SLC25A28: variants seen among roughly 807,000 people sequenced by gnomAD.
SLC25A28 encodes the protein solute carrier family 25 member 28.
A neutral mutation model predicts 31.9 loss-of-function variants in SLC25A28; 10 were observed. The ratio of observed to expected loss-of-function variants is 0.31; its 90% CI spans 0.19 to 0.53. The LOEUF is 0.53. SLC25A28 is among the 20% of genes least tolerant of loss of function. SLC25A28 has a pLI of 0.95. For missense variants in SLC25A28, 256 were observed against 490.3 expected (o/e 0.52, Z 4.51); for synonymous variants, 208 against 203.6 (o/e 1.02, Z -0.19).
At chr10:99,644,731 C>T in the SLC25A28 span, among the ~76,000 whole-genome samples, 1 of 152,114 alleles carries the variant, frequency 6.6e-6, no homozygotes, top group African/African-American at 2.4e-5. Context: ...CCTTCAGGAG[C>T]TCTTGTAAGG....
At chr10:99,642,499 C>T in the SLC25A28 span, among the ~76,000 whole-genome samples, 1 of 152,184 alleles carries the variant, frequency 6.6e-6, no homozygotes, top group South Asian at 2.1e-4. Context: ...AATATACAAT[C>T]ATGTCATCCG....
the SLC25A28 span, among the ~76,000 whole-genome samples, chr10:99,637,389 T>C: frequency 6.6e-6 from 1 of 152,160 alleles, no homozygotes; most frequent in East Asian, 1.9e-4. Context: ...AAGACAAGGT[T>C]GCCCACTCTC....
At chr10:99,617,128 T>TA (rs2034675796) in intron 1 of SLC25A28, 1 of 985,330 alleles carries the variant, frequency 1.0e-6, no homozygotes, top group Admixed American at 6.1e-5. Context: ...AGCTTGATGA[T>TA]AGGTGGGTAC....
chr10:99,654,144 T>A, the SLC25A28 span, among the ~76,000 whole-genome samples: 8 of 152,174 alleles, frequency 5.3e-5, no homozygotes, highest in Non-Finnish European at 8.8e-5. Context: ...GGGTTCTGGG[T>A]GACAACATCT....
chr10:99,634,916 A>T, the SLC25A28 span, among the ~76,000 whole-genome samples: 1 of 152,240 alleles, frequency 6.6e-6, no homozygotes, highest in African/African-American at 2.4e-5. Flanking sequence ...TAACCTATAA[A>T]GGAAAACCCA....
At chr10:99,634,095 G>C in the SLC25A28 span, among the ~76,000 whole-genome samples, 1 of 152,208 alleles carries the variant, frequency 6.6e-6, no homozygotes, top group Non-Finnish European at 1.5e-5. Flanking sequence ...CATAGGAAAG[G>C]GGGAGAGTAC....
chr10:99,634,471 C>T, the SLC25A28 span, among the ~76,000 whole-genome samples: 10 of 151,946 alleles, frequency 6.6e-5, no homozygotes, highest in African/African-American at 1.9e-4. Flanking sequence ...CAGGAAATAT[C>T]GAACACACTT....
intron 1 of SLC25A28, chr10:99,615,589 A>C: frequency 1.0e-6 from 1 of 985,418 alleles, no homozygotes; most frequent in Non-Finnish European, 1.2e-6. Flanking sequence ...ACACAGTATC[A>C]CTTATCACAA....
chr10:99,635,830 C>T, the SLC25A28 span, among the ~76,000 whole-genome samples: 1 of 152,186 alleles, frequency 6.6e-6, no homozygotes, highest in Non-Finnish European at 1.5e-5. Context: ...ATTCTTATAT[C>T]AGACAAAACA....
At chr10:99,616,410 A>G in intron 1 of SLC25A28, 2 of 938,900 alleles carry the variant, frequency 2.1e-6, no homozygotes, top group Non-Finnish European at 2.5e-6. Flanking sequence ...TTGGTAATTT[A>G]TAAGATGCTA....
At chr10:99,620,692 A>C (rs1565024175), upstream of SLC25A28, 11 of 986,188 alleles carry the variant, frequency 1.1e-5, no homozygotes, top group Non-Finnish European at 1.3e-5. Flanking sequence ...TCTGACTTTT[A>C]GAAGGGCGGG....
chr10:99,650,025 A>G, the SLC25A28 span, among the ~76,000 whole-genome samples: 1 of 152,148 alleles, frequency 6.6e-6, no homozygotes, highest in East Asian at 1.9e-4. Flanking sequence ...ATGTGACATT[A>G]AGTCATTATT....
At chr10:99,656,137 CA>C in the SLC25A28 span, among the ~76,000 whole-genome samples, 1 of 151,794 alleles carries the variant, frequency 6.6e-6, no homozygotes, top group Non-Finnish European at 1.5e-5. Flanking sequence ...TATGGGACCA[CA>C]AGATGGGCTA....
At chr10:99,617,216 C>T in intron 1 of SLC25A28, 3 of 985,408 alleles carry the variant, frequency 3.0e-6, no homozygotes, top group Non-Finnish European at 3.6e-6. Context: ...TGGCGCTTGC[C>T]TTTGAGGCCC....
chr10:99,616,261 A>G, intron 1 of SLC25A28: 2 of 935,264 alleles, frequency 2.1e-6, no homozygotes, highest in Non-Finnish European at 2.6e-6. Flanking sequence ...TCTGAGCCTC[A>G]GCTTTGCTAG....
the SLC25A28 span, among the ~76,000 whole-genome samples, chr10:99,626,932 T>C: frequency 1.3e-5 from 2 of 152,150 alleles, no homozygotes; most frequent in African/African-American, 2.4e-5. Context: ...ACCCTGCCCT[T>C]TGTATTTTTT....
At position 99,611,414 on chromosome 10, in the gene SLC25A28, G is replaced by A. The variant is rs979679853; in HGVS notation, c.578-48C>T. 6.3e-7 allele frequency: 1 copy of A among 1,596,282 alleles called. No individual in the cohort carries two copies. Among genetic ancestry groups the A allele is most frequent in the Non-Finnish European group, 8.5e-7 (1 of 1,170,078 alleles). ...AGGAAATGGTGACAGCAGCCAACCG[G>A]TGATGGAGAGTATCCAGATTCAGAG... On this transcript the variant is annotated intron_variant, in intron 3 of 3. Transcript: ENST00000370495. This position sits in a 1 kb window ranked among gnomAD's most constrained non-coding sequence, Gnocchi z 5.5.
At chr10:99,644,332 G>A in the SLC25A28 span, among the ~76,000 whole-genome samples, 2 of 152,098 alleles carry the variant, frequency 1.3e-5, no homozygotes, top group African/African-American at 4.8e-5. Flanking sequence ...GGCCTTCTTT[G>A]TCTCTTTTGA....
intron 1 of SLC25A28, chr10:99,617,303 T>C: frequency 1.0e-6 from 1 of 985,470 alleles, no homozygotes; most frequent in Non-Finnish European, 1.2e-6. Context: ...TGAATAACCA[T>C]GATCCAGCAA....
Sources: gnomAD v4.1 joint callset for allele counts (sites outside exome capture counted in the v4.1 genomes callset) on GRCh38, gnomAD v4.1.1 for gene constraint, Gnocchi (gnomAD v3.1) non-coding constraint, MANE v1.5 for transcripts, NCBI Gene and HGNC (gene_info 2026-07-23, HGNC 2026-07-21) for gene names.